Variants in GBE1 observed in about 807,000 individuals in gnomAD.
GBE1 encodes the protein 1,4-alpha-glucan-branching enzyme.
GBE1 carries 70 observed loss-of-function variants against 88.8 expected under a neutral mutation model. The observed-to-expected ratio is 0.79, with a 90% confidence interval of 0.65 to 0.96. The LOEUF is 0.96. GBE1 is among the 40% of genes least tolerant of loss of function. The probability of loss-of-function intolerance (pLI) is 0.00; values close to 1 mark genes in which losing one functional copy is unlikely to be tolerated. For synonymous variants in GBE1, 284 were observed against 300.1 expected (o/e 0.95, Z 0.56); for missense variants, 872 against 871.0 (o/e 1.00, Z -0.01).
At chr3:81,639,341 ATT>A (rs58786681) in intron 7 of GBE1, among the ~76,000 whole-genome samples, 1 of 140,726 alleles carries the variant, frequency 7.1e-6, no homozygotes, top group East Asian at 2.0e-4. Context: ...TGAAAGGTGT[ATT>A]TTTTTTTAAA....
chr3:81,691,558 C>T (rs1705521930), intron 2 of GBE1, among the ~76,000 whole-genome samples: 2 of 152,088 alleles, frequency 1.3e-5, no homozygotes, highest in South Asian at 4.1e-4. Context: ...GAGGGGATCA[C>T]TTGAGCCCAG....
rs143522641 is a variant in GBE1 at position 81,697,381 on chromosome 3, C to T, written c.313+8063G>A. Among the ~76,000 whole-genome samples, 41 of 149,740 alleles carry T rather than the reference C, an allele frequency of 2.7e-4. No homozygotes were observed. In the East Asian group the frequency reaches 7.5e-3, roughly 27 times the overall value. The stretch of plus-strand genomic sequence containing the variant: ...GGGGTGTGATCTCGGCTCACTGCAA[C>T]CTCCGTCTCCCAGGTTCAAGCGATT... On this transcript the variant is annotated intron_variant, in intron 2 of 15. Transcript: ENST00000429644.
In GBE1 at chr3:81,646,373, A is replaced by G. The variant is rs1221083860; in HGVS notation, c.782+19T>C. 3 of 1,469,126 alleles carry G rather than the reference A, an allele frequency of 2.0e-6. No homozygotes were observed. Among genetic ancestry groups the G allele is most frequent in the Admixed American group, 1.9e-5 (1 of 51,922 alleles). 91.0% of individuals were successfully genotyped at this position (1,469,126 alleles called of 1,614,324 possible). ...ATTGGCTCAAAATAAAAATGAACAC[A>G]ATGAGTCTCTGATTTTACCTGGAAG... On this transcript the variant is annotated intron_variant, in intron 6 of 15. Transcript: ENST00000429644.
chr3:81,723,285 T>G (rs1706062538), intron 1 of GBE1, among the ~76,000 whole-genome samples: 1 of 149,108 alleles, frequency 6.7e-6, no homozygotes. Context: ...GTATTTTTAG[T>G]AGAGAGGGGG....
At chr3:81,639,683 T>C (rs969880413) in intron 7 of GBE1, among the ~76,000 whole-genome samples, 10 of 152,122 alleles carry the variant, frequency 6.6e-5, no homozygotes, top group African/African-American at 9.7e-5. Flanking sequence ...CCAGACCATA[T>C]AAAATGGCAG....
rs767934221 is a variant in GBE1 at position 81,761,423 on chromosome 3, A to G, written c.95T>C (p.Leu32Pro). The change falls in exon 1 of 16, where the codon CTG becomes CCG. Residue 32 changes from leucine (L) to proline (P), a missense_variant. Transcript: ENST00000429644. The stretch of plus-strand genomic sequence containing the variant: ...GGGCTTCAAGTACGGGTCGATCTCC[A>G]GGAGTCTGGCCAGTTCGGGCACGTC... ...LADVPELARL[L>P]EIDPYLKPYA... The G allele has an allele frequency of 1.2e-6, 2 of 1,613,652 alleles. No individual in the cohort carries two copies. Among genetic ancestry groups the G allele is most frequent in the Admixed American group, 1.7e-5 (1 of 60,030 alleles).
At chr3:81,743,673 C>A in intron 1 of GBE1, 1 of 1,200,306 alleles carries the variant, frequency 8.3e-7, no homozygotes, top group South Asian at 1.4e-5. Flanking sequence ...AGACAGCAGT[C>A]ACCTGATCTC....
chr3:81,627,080 G>A (rs998402317), intron 7 of GBE1, among the ~76,000 whole-genome samples: 1 of 152,118 alleles, frequency 6.6e-6, no homozygotes, highest in Non-Finnish European at 1.5e-5. Context: ...TGAATGAAGT[G>A]AAACACCATT....
chr3:81,571,515 T>A (rs1451075682), intron 12 of GBE1, among the ~76,000 whole-genome samples: 1 of 152,168 alleles, frequency 6.6e-6, no homozygotes, highest in Non-Finnish European at 1.5e-5. Flanking sequence ...GAAATGTGAA[T>A]CATTTATGTT....
At chr3:81,727,751 T>C (rs931746065) in intron 1 of GBE1, among the ~76,000 whole-genome samples, 5 of 152,040 alleles carry the variant, frequency 3.3e-5, no homozygotes, top group Non-Finnish European at 7.4e-5. Flanking sequence ...CAAGTAAAAA[T>C]AGGGAAAAAG....
intron 3 of GBE1, among the ~76,000 whole-genome samples, chr3:81,652,943 A>G (rs941777787): frequency 6.6e-6 from 1 of 152,194 alleles, no homozygotes; most frequent in African/African-American, 2.4e-5. Flanking sequence ...TTTTTAGAGA[A>G]AACTTTATGT....
rs149179911 is a variant in GBE1, at chr3:81,533,210, C to T, written c.1934+1985G>A. On this transcript the variant is annotated intron_variant, in intron 14 of 15. Transcript: ENST00000429644. ...TTAGTCTAGGAGCATTACTTTAGCACTCTGGAGGTGAGAAGGATCACGCAC... is the reference window on the plus strand; with the variant it reads ...TTAGTCTAGGAGCATTACTTTAGCATTCTGGAGGTGAGAAGGATCACGCAC... Among the ~76,000 whole-genome samples, 24 of 152,206 alleles carry T rather than the reference C, an allele frequency of 1.6e-4. No homozygotes were observed. The East Asian group carries it at 4.7e-3, about 30-fold the overall frequency.
intron 12 of GBE1, among the ~76,000 whole-genome samples, chr3:81,547,147 G>T (rs1026437678): frequency 1.3e-5 from 2 of 151,380 alleles, no homozygotes; most frequent in African/African-American, 4.8e-5. Context: ...GAGTGGGATT[G>T]CATTAGACGC....
In GBE1 at chr3:81,548,090, A is replaced by G. The variant is rs560865834; in HGVS notation, c.1619-10995T>C. ...TAGGAAATGAGTCCTTTCTGGTTTG[A>G]TATCAGTGTGACATTTGCCATTTTT... is the stretch of plus-strand genomic sequence containing the variant. On this transcript the variant is annotated intron_variant, in intron 12 of 15. Transcript: ENST00000429644. Among the ~76,000 whole-genome samples the G allele has an allele frequency of 4.6e-5, 7 of 151,438 alleles. No homozygotes were observed. In the South Asian group the frequency reaches 1.5e-3, roughly 31 times the overall value.
chr3:81,698,666 G>T (rs1380359780), intron 2 of GBE1, among the ~76,000 whole-genome samples: 1 of 152,130 alleles, frequency 6.6e-6, no homozygotes, highest in African/African-American at 2.4e-5. Flanking sequence ...AAGTAGCATG[G>T]ATGGGATTGG....
At chr3:81,633,540 T>G (rs1434648075) in intron 7 of GBE1, among the ~76,000 whole-genome samples, 1 of 152,148 alleles carries the variant, frequency 6.6e-6, no homozygotes, top group Non-Finnish European at 1.5e-5. Flanking sequence ...GTTACCAAAT[T>G]TTAACTATAC....
At chr3:81,587,601 A>G (rs1432685001) in intron 9 of GBE1, among the ~76,000 whole-genome samples, 1 of 152,272 alleles carries the variant, frequency 6.6e-6, no homozygotes, top group East Asian at 1.9e-4. Flanking sequence ...TTACTATCCA[A>G]TTAGCTACTC....
At chr3:81,582,237 T>C in intron 10 of GBE1, among the ~76,000 whole-genome samples, 1 of 151,998 alleles carries the variant, frequency 6.6e-6, no homozygotes, top group Non-Finnish European at 1.5e-5. Context: ...AGAGCAACCA[T>C]CCATAGATGT....
intron 4 of GBE1, 45 bp downstream of exon 4, chr3:81,649,751 A>G (rs375256741): frequency 1.1e-5 from 17 of 1,524,184 alleles, no homozygotes; most frequent in Non-Finnish European, 1.5e-5. Flanking sequence ...TAACTTTCCT[A>G]GAAATATTGG....
Sources: gnomAD v4.1 joint callset for allele counts (sites outside exome capture counted in the v4.1 genomes callset) on GRCh38, gnomAD v4.1.1 for gene constraint, MANE v1.5 for transcripts, NCBI Gene and HGNC (gene_info 2026-07-23, HGNC 2026-07-21) for gene names.